Variants in SEMA6D observed in about 807,000 individuals in gnomAD.
SEMA6D encodes the protein semaphorin 6D.
In SEMA6D, 35 loss-of-function variants were observed where a neutral mutation model predicts 106.6. The ratio of observed to expected loss-of-function variants is 0.33; its 90% CI spans 0.25 to 0.44. The LOEUF is 0.44. Among genes scored for constraint, SEMA6D ranks in the 20% least tolerant of loss-of-function variants. The probability of loss-of-function intolerance (pLI) is 1.00; values close to 1 mark genes in which losing one functional copy is unlikely to be tolerated. For missense variants in SEMA6D, 1,185 were observed against 1,345.9 expected, an observed-to-expected ratio of 0.88 and a Z score of 1.87; for synonymous variants, 499 against 487.7, an observed-to-expected ratio of 1.02 and a Z score of -0.31.
chr15:47,239,462 C>T (rs949202125), intron 1 of SEMA6D, among the ~76,000 whole-genome samples: 2 of 152,104 alleles, frequency 1.3e-5, no homozygotes, highest in African/African-American at 4.8e-5. Context: ...GAAACCAGTC[C>T]CTGGTGCCAA....
intron 1 of SEMA6D, among the ~76,000 whole-genome samples, chr15:47,384,752 A>G (rs1395978313): frequency 1.3e-5 from 2 of 149,468 alleles, no homozygotes; most frequent in African/African-American, 2.5e-5. Context: ...CCAAAACCAT[A>G]TAGAGGAGTG....
chr15:47,772,357 C>CGTGTGTGT lies in SEMA6D; in HGVS notation c.*599_*606dup, dbSNP rs71432251. On this transcript the variant is annotated 3_prime_UTR_variant, in exon 19 of 19. Coordinates refer to ENST00000536845, the MANE Select transcript of SEMA6D (RefSeq NM_001358351.3). Reference sequence around the variant, plus strand: ...CACCAACAAACTTGTTGTGTGTGTGCGTGTGTGTGTGTGTGTGTGTGTGTG... The same window carrying CGTGTGTGT: ...CACCAACAAACTTGTTGTGTGTGTGCGTGTGTGTGTGTGTGTGTGTGTGTGTGTGTGTG... The CGTGTGTGT allele has an allele frequency of 0.2, 28,943 of 141,408 alleles. 3,366 individuals carry two copies. Among genetic ancestry groups the CGTGTGTGT allele is most frequent in the African/African-American group, 0.28 (10,202 of 37,040 alleles). 8.8% of individuals were successfully genotyped at this position (141,408 alleles called of 1,614,324 possible).
At chr15:47,374,854 T>C (rs2039396262) in intron 1 of SEMA6D, among the ~76,000 whole-genome samples, 1 of 152,030 alleles carries the variant, frequency 6.6e-6, no homozygotes, top group Non-Finnish European at 1.5e-5. Context: ...GTGGGAAAGG[T>C]AAGAAAATGG....
chr15:47,361,667 G>A (rs1031850010), intron 1 of SEMA6D, among the ~76,000 whole-genome samples: 1 of 152,138 alleles, frequency 6.6e-6, no homozygotes, highest in Non-Finnish European at 1.5e-5. Flanking sequence ...AATGCTCAGT[G>A]CGCATTTGAG....
At chr15:47,253,931 A>G (rs2033655099) in intron 1 of SEMA6D, among the ~76,000 whole-genome samples, 1 of 152,144 alleles carries the variant, frequency 6.6e-6, no homozygotes, top group Non-Finnish European at 1.5e-5. Context: ...GGATCTGTAC[A>G]TCACTTTGGG....
At chr15:47,539,219 C>A (rs1325665974) in intron 3 of SEMA6D, among the ~76,000 whole-genome samples, 6 of 152,144 alleles carry the variant, frequency 3.9e-5, no homozygotes, top group African/African-American at 1.2e-4. Flanking sequence ...CCTGGTACTG[C>A]CACTGAAATT....
At chr15:47,392,508 A>G (rs1024820856) in intron 1 of SEMA6D, among the ~76,000 whole-genome samples, 1 of 107,800 alleles carries the variant, frequency 9.3e-6, no homozygotes, top group Non-Finnish European at 1.7e-5. Flanking sequence ...GGCTTTGAAG[A>G]CGGAGGAAGG....
intron 3 of SEMA6D, among the ~76,000 whole-genome samples, chr15:47,503,172 G>A (rs919943494): frequency 4.6e-5 from 7 of 152,002 alleles, no homozygotes; most frequent in African/African-American, 7.3e-5. Flanking sequence ...GTGATATATT[G>A]TGATGAATTC....
At chr15:47,318,587 G>A (rs1487408652) in intron 1 of SEMA6D, among the ~76,000 whole-genome samples, 1 of 148,232 alleles carries the variant, frequency 6.7e-6, no homozygotes, top group Non-Finnish European at 1.5e-5. Context: ...TCCCTACAAA[G>A]GACATGAACT....
At chr15:47,284,278 C>G (rs886925506) in intron 1 of SEMA6D, among the ~76,000 whole-genome samples, 2 of 152,210 alleles carry the variant, frequency 1.3e-5, no homozygotes, top group Non-Finnish European at 2.9e-5. Flanking sequence ...CTTGTTATCA[C>G]TCACATCATA....
chr15:47,331,480 G>T (rs142724598), intron 1 of SEMA6D, among the ~76,000 whole-genome samples: 4 of 152,200 alleles, frequency 2.6e-5, no homozygotes, highest in African/African-American at 9.6e-5. Context: ...TAATTATATA[G>T]GGAAATGTTA....
chr15:47,521,292 A>C (rs2044568411), intron 3 of SEMA6D, among the ~76,000 whole-genome samples: 2 of 152,228 alleles, frequency 1.3e-5, no homozygotes, highest in African/African-American at 4.8e-5. Flanking sequence ...CTATGGAAGC[A>C]TCAGGCTCCA....
At chr15:47,661,505 A>G (rs982157181) in intron 4 of SEMA6D, among the ~76,000 whole-genome samples, 2 of 152,254 alleles carry the variant, frequency 1.3e-5, no homozygotes, top group Non-Finnish European at 2.9e-5. Context: ...AACTGCATGA[A>G]GAGCTGGCTT....
At chr15:47,538,833 CT>C (rs1301819056) in intron 3 of SEMA6D, among the ~76,000 whole-genome samples, 1 of 152,048 alleles carries the variant, frequency 6.6e-6, no homozygotes, top group Non-Finnish European at 1.5e-5. Flanking sequence ...GAAAAATTAA[CT>C]TTAGAAAATT....
At chr15:47,388,309 A>G (rs933684443) in intron 1 of SEMA6D, among the ~76,000 whole-genome samples, 2 of 152,004 alleles carry the variant, frequency 1.3e-5, no homozygotes, top group Non-Finnish European at 1.5e-5. Context: ...TCCCTCCTTT[A>G]CCTGTTGTTT....
intron 1 of SEMA6D, among the ~76,000 whole-genome samples, chr15:47,289,393 CAAAAAAAAAAAAA>C (rs746946975): frequency 2.1e-5 from 1 of 46,558 alleles, no homozygotes; most frequent in Non-Finnish European, 4.2e-5. Flanking sequence ...AACTCCATCT[CAAAAAAAAAAAAA>C]AAAAAAAAAA....
intron 2 of SEMA6D, among the ~76,000 whole-genome samples, chr15:47,442,204 C>T (rs975002579): frequency 2.6e-5 from 4 of 152,022 alleles, no homozygotes; most frequent in African/African-American, 9.7e-5. Context: ...ATATGGTGCA[C>T]ATCAAATTTT....
intron 2 of SEMA6D, among the ~76,000 whole-genome samples, chr15:47,465,664 T>G (rs1231344428): frequency 2.6e-5 from 4 of 152,130 alleles, no homozygotes; most frequent in African/African-American, 9.7e-5. Context: ...TAGCACCTCC[T>G]CCTTCTCTCT....
chr15:47,294,301 G>A (rs1426025825), intron 1 of SEMA6D, among the ~76,000 whole-genome samples: 1 of 151,542 alleles, frequency 6.6e-6, no homozygotes, highest in African/African-American at 2.4e-5. Flanking sequence ...TCAGCTCACT[G>A]CAACCTCTAC....
Sources: gnomAD v4.1 joint callset for allele counts (sites outside exome capture counted in the v4.1 genomes callset) on GRCh38, gnomAD v4.1.1 for gene constraint, MANE v1.5 for transcripts, NCBI Gene and HGNC (gene_info 2026-07-23, HGNC 2026-07-21) for gene names.